The following HNF4G variants were observed in gnomAD, a reference collection of about 807,000 sequenced individuals.
HNF4G encodes the protein hepatocyte nuclear factor 4-gamma.
A neutral mutation model predicts 50.9 loss-of-function variants in HNF4G; 21 were observed. The ratio of observed to expected loss-of-function variants is 0.41; its 90% CI spans 0.29 to 0.59. The LOEUF (loss-of-function observed/expected upper bound fraction) is 0.59. Ranked by LOEUF, HNF4G falls within the 20% of genes least tolerant of loss-of-function variation. The probability of loss-of-function intolerance (pLI) is 0.26; values close to 1 mark genes in which losing one functional copy is unlikely to be tolerated. For synonymous variants in HNF4G, 198 were observed against 185.6 expected, an observed-to-expected ratio of 1.07 and a Z score of -0.54; for missense variants, 527 against 559.4, an observed-to-expected ratio of 0.94 and a Z score of 0.58.
intron 2 of HNF4G, among the ~76,000 whole-genome samples, chr8:75,516,008 CCT>C (rs1805881062): frequency 6.6e-6 from 1 of 152,178 alleles, no homozygotes; most frequent in Non-Finnish European, 1.5e-5. Flanking sequence ...AGGTGATCTG[CCT>C]GCCTCGGCCT....
At chr8:75,540,135 TG>T in intron 1 of HNF4G, 55 bp downstream of exon 1, 1 of 1,042,498 alleles carries the variant, frequency 9.6e-7, no homozygotes. Context: ...TTGGAGAAGG[TG>T]GAAGACTGAG....
intron 1 of HNF4G, among the ~76,000 whole-genome samples, chr8:75,477,900 G>C (rs1812276019): frequency 6.6e-6 from 1 of 152,156 alleles, no homozygotes; most frequent in Non-Finnish European, 1.5e-5. Flanking sequence ...CCAGGAGGGG[G>C]AGGCTGCAGT....
chr8:75,434,086 C>A (rs1451935672), intron 1 of HNF4G, among the ~76,000 whole-genome samples: 5 of 147,130 alleles, frequency 3.4e-5, no homozygotes, highest in African/African-American at 1.0e-4. Context: ...TCACTACAAC[C>A]TCCGCTTCCC....
rs539683322 is a variant in HNF4G at position 75,558,417 on chromosome 8, G to A, written c.734-101G>A. The A allele has an allele frequency of 9.7e-6, 10 of 1,033,460 alleles. No individual in the cohort carries two copies. The African/African-American group carries it at 1.4e-4, about 15-fold the overall frequency. 64.0% of individuals were successfully genotyped at this position (1,033,460 alleles called of 1,614,324 possible). A position where few individuals can be genotyped will look rare whatever the true frequency, so the allele number is the denominator to read the frequency against. On this transcript the variant is annotated intron_variant, in intron 6 of 9. Coordinates refer to ENST00000396423, the MANE Select transcript of HNF4G (RefSeq NM_004133.5). ...GTACATCACTATTCCTTCAAGGGTA[G>A]ACTATTTTAAACACCGGTTTGTTAA... is the stretch of plus-strand genomic sequence containing the variant.
At chr8:75,423,738 A>G (rs1563500314) in intron 1 of HNF4G, among the ~76,000 whole-genome samples, 2 of 149,196 alleles carry the variant, frequency 1.3e-5, no homozygotes, top group South Asian at 4.2e-4. Flanking sequence ...CATTTAAAGA[A>G]TTTTTTAACA....
rs757866904 is a variant in HNF4G, at chr8:75,551,489, C to T, written c.484C>T (p.Arg162Cys). 5.0e-6 allele frequency: 8 copies of T among 1,585,690 alleles called. No individual in the cohort carries two copies. The highest frequency in any genetic ancestry group is 2.2e-5 in the East Asian group (1 of 44,714). The change falls in exon 4 of 10, where the codon CGC (arginine) becomes TGC (cysteine). Residue 162 changes from arginine (R) to cysteine (C), a missense_variant. By Grantham distance (180) the Arg-to-Cys change is radical. Transcript: ENST00000396423. ...ACTGGCACAAGCTGAAGTTCGGTCT[C>T]GCCAGGTACCTGTGGCACGGCAGCA... ...NTLAQAEVRS[R>C]QISVSSPGSS... is the part of the protein sequence containing the mutation.
intron 2 of HNF4G, among the ~76,000 whole-genome samples, chr8:75,523,447 CTTTTA>C (rs753160268): frequency 1.3e-5 from 2 of 151,990 alleles, no homozygotes; most frequent in Non-Finnish European, 2.9e-5. Flanking sequence ...ATATTTTAAT[CTTTTA>C]TTTTATTTTC....
chr8:75,428,643 G>A lies in HNF4G; in HGVS notation c.-144+20481G>A, dbSNP rs543552759. ...CTTAGAAAACAAAGGAAAAAAAGAGGAATATTTGCAAAGGCCTTCTGGTGC... is the reference window on the plus strand; with the variant it reads ...CTTAGAAAACAAAGGAAAAAAAGAGAAATATTTGCAAAGGCCTTCTGGTGC... On this transcript the variant is annotated intron_variant, in intron 1 of 10. Coordinates refer to the HNF4G transcript ENST00000354370. 3.5e-4 allele frequency among the ~76,000 whole-genome samples: 54 copies of A among 152,216 alleles called. 1 individual carries two copies. Among genetic ancestry groups the A allele is most frequent in the South Asian group, 6.2e-4 (3 of 4,822 alleles).
chr8:75,453,797 GTT>G (rs1203491233), intron 1 of HNF4G, among the ~76,000 whole-genome samples: 1 of 151,964 alleles, frequency 6.6e-6, no homozygotes, highest in Non-Finnish European at 1.5e-5. Context: ...TTTTTGCTTT[GTT>G]TTGTAAAATA....
chr8:75,504,139 T>C (rs544895622), intron 2 of HNF4G, among the ~76,000 whole-genome samples: 6 of 151,808 alleles, frequency 4.0e-5, no homozygotes, highest in Non-Finnish European at 8.8e-5. Flanking sequence ...GGAGAATCCC[T>C]TGGACCAGGA....
chr8:75,432,291 TA>T (rs201705373), intron 1 of HNF4G, among the ~76,000 whole-genome samples: 11,082 of 144,222 alleles, frequency 0.077, 1,091 homozygotes, highest in African/African-American at 0.23. Flanking sequence ...TGTATCAAAA[TA>T]AAAAAAAAAA....
At position 75,547,614 on chromosome 8, in the gene HNF4G, G is replaced by A; in HGVS notation, c.315G>A (p.Lys105=). 6.2e-7 allele frequency: 1 copy of A among 1,611,784 alleles called. No individual in the cohort carries two copies. Residue 105 remains lysine (K), a synonymous_variant, in exon 3 of 10, where the codon AAG becomes AAA. Transcript: ENST00000396423. ...CRFSRQCVVD[K]DKRNQCRYCR... Reference sequence around the variant, plus strand: ...TCAGTCGGCAATGTGTTGTTGACAAGGACAAAAGGAATCAATGTAGATATT... The same window carrying A: ...TCAGTCGGCAATGTGTTGTTGACAAAGACAAAAGGAATCAATGTAGATATT...
At chr8:75,530,134 G>A (rs1806291003) in intron 2 of HNF4G, among the ~76,000 whole-genome samples, 1 of 152,056 alleles carries the variant, frequency 6.6e-6, no homozygotes, top group Non-Finnish European at 1.5e-5. Context: ...GATTGTGCCG[G>A]CCTAAATACA....
intron 1 of HNF4G, among the ~76,000 whole-genome samples, chr8:75,432,452 G>C (rs1244870948): frequency 1.3e-5 from 2 of 151,864 alleles, no homozygotes; most frequent in African/African-American, 4.8e-5. Context: ...AAGTAGCTGG[G>C]ATTACGTCTG....
intron 1 of HNF4G, among the ~76,000 whole-genome samples, chr8:75,476,431 C>T (rs1205771406): frequency 6.6e-6 from 1 of 152,124 alleles, no homozygotes; most frequent in Non-Finnish European, 1.5e-5. Context: ...ATAAGCATTC[C>T]CTTTTCTCCA....
intron 2 of HNF4G, among the ~76,000 whole-genome samples, chr8:75,494,131 A>G (rs1812702309): frequency 6.6e-6 from 1 of 152,196 alleles, no homozygotes; most frequent in African/African-American, 2.4e-5. Context: ...ATTGTAGAGA[A>G]ATCAAAGTTG....
At chr8:75,560,652 C>T (rs1218241995) in intron 9 of HNF4G, among the ~76,000 whole-genome samples, 186 bp downstream of exon 9, 1 of 152,072 alleles carries the variant, frequency 6.6e-6, no homozygotes, top group African/African-American at 2.4e-5. Flanking sequence ...AAGTTTGCTT[C>T]CTAAAATGAA....
chr8:75,531,380 G>A lies in HNF4G; in HGVS notation c.-23-12431G>A, dbSNP rs549444634. Among the ~76,000 whole-genome samples, 8 of 152,082 alleles carry A rather than the reference G, an allele frequency of 5.3e-5. No individual in the cohort carries two copies. In the South Asian group the frequency reaches 6.2e-4, roughly 12 times the overall value. Reference sequence around the variant, plus strand: ...TTCCAAGTATCAACAGTCAAATTTAGCATTTCAATACAAGAGGTTAGAATT... The same window carrying A: ...TTCCAAGTATCAACAGTCAAATTTAACATTTCAATACAAGAGGTTAGAATT... On this transcript the variant is annotated intron_variant, in intron 2 of 10. Transcript: ENST00000354370.
chr8:75,464,390 A>G (rs994066814), intron 1 of HNF4G, among the ~76,000 whole-genome samples: 1 of 152,104 alleles, frequency 6.6e-6, no homozygotes, highest in Non-Finnish European at 1.5e-5. Flanking sequence ...CTGAAATATC[A>G]AATTGTCTTT....
Sources: gnomAD v4.1 joint callset for allele counts (sites outside exome capture counted in the v4.1 genomes callset) on GRCh38, gnomAD v4.1.1 for gene constraint, MANE v1.5 for transcripts, NCBI Gene and HGNC (gene_info 2026-07-23, HGNC 2026-07-21) for gene names.